HOOK3: variants seen among roughly 807,000 people sequenced by gnomAD.
The protein encoded by HOOK3 is protein Hook homolog 3.
HOOK3 carries 24 observed loss-of-function variants against 116.3 expected under a neutral mutation model. The ratio of observed to expected loss-of-function variants is 0.21; its 90% confidence interval spans 0.15 to 0.29. The LOEUF is 0.29. HOOK3 is among the 10% of genes least tolerant of loss of function. The pLI, the probability that HOOK3 is intolerant of heterozygous loss-of-function variation, is 1.00. For missense variants in HOOK3, 632 were observed against 830.2 expected (o/e 0.76, Z 2.93); for synonymous variants, 275 against 283.0 (o/e 0.97, Z 0.28).
intron 2 of HOOK3, among the ~76,000 whole-genome samples, chr8:42,907,190 C>T (rs563966100): frequency 3.3e-5 from 5 of 152,276 alleles, no homozygotes; most frequent in African/African-American, 1.2e-4. Context: ...AAAAGATTTA[C>T]ATGTCACTAG....
At chr8:42,948,319 T>C (rs1379733174) in intron 5 of HOOK3, among the ~76,000 whole-genome samples, 1 of 152,234 alleles carries the variant, frequency 6.6e-6, no homozygotes, top group African/African-American at 2.4e-5. Context: ...TTCTCCAGCA[T>C]TGCCTCATAG....
intron 17 of HOOK3, among the ~76,000 whole-genome samples, chr8:43,006,787 A>G (rs1481344460): frequency 6.6e-6 from 1 of 152,186 alleles, no homozygotes; most frequent in Non-Finnish European, 1.5e-5. Flanking sequence ...TCATGCATAG[A>G]AAAGATCAGA....
At chr8:42,969,540 G>A (rs950237512) in intron 11 of HOOK3, among the ~76,000 whole-genome samples, 2 of 152,174 alleles carry the variant, frequency 1.3e-5, no homozygotes, top group Admixed American at 1.3e-4. Flanking sequence ...TTGAAGAATC[G>A]CTTGAGCCTG....
chr8:43,005,201 A>C lies in HOOK3; in HGVS notation c.1656-2646A>C, dbSNP rs113764535. Reference sequence around the variant, plus strand: ...AAGTGCTCTCTCTCTCTCTCTCTCTATATATATATATAATTTTTTTTTTTT... The same window carrying C: ...AAGTGCTCTCTCTCTCTCTCTCTCTCTATATATATATAATTTTTTTTTTTT... On this transcript the variant is annotated intron_variant, in intron 17 of 21. Coordinates refer to ENST00000307602, the MANE Select transcript of HOOK3 (RefSeq NM_032410.4). 7.6e-3 allele frequency among the ~76,000 whole-genome samples: 488 copies of C among 64,250 alleles called. 1 individual carries two copies. Among genetic ancestry groups the C allele is most frequent in the South Asian group, 0.018 (37 of 2,006 alleles). The allele number at this position is 64,250 out of a possible 152,430, so 42.2% of individuals were successfully genotyped here.
At chr8:42,904,643 G>A (rs1678425794) in intron 1 of HOOK3, among the ~76,000 whole-genome samples, 1 of 152,052 alleles carries the variant, frequency 6.6e-6, no homozygotes, top group Admixed American at 6.6e-5. Flanking sequence ...AAACCTCATG[G>A]CTCACTCCCC....
At chr8:42,924,683 G>A (rs1807728367) in intron 2 of HOOK3, among the ~76,000 whole-genome samples, 5 of 152,120 alleles carry the variant, frequency 3.3e-5, no homozygotes, top group Admixed American at 3.3e-4. Context: ...TTTAAAGACT[G>A]TGTCACTGGC....
At chr8:42,944,687 T>G (rs1808191807) in intron 5 of HOOK3, among the ~76,000 whole-genome samples, 1 of 150,548 alleles carries the variant, frequency 6.6e-6, no homozygotes, top group Admixed American at 6.6e-5. Context: ...GGCGCGGTGG[T>G]GGGCGCCTGT....
chr8:42,943,725 A>C (rs1049189108), intron 5 of HOOK3, among the ~76,000 whole-genome samples: 16 of 152,212 alleles, frequency 1.1e-4, no homozygotes, highest in Non-Finnish European at 7.3e-5. Context: ...TTTGCTGTTA[A>C]TTTGACAACA....
intron 4 of HOOK3, among the ~76,000 whole-genome samples, chr8:42,935,162 A>G (rs1035802759): frequency 1.3e-5 from 2 of 151,774 alleles, no homozygotes; most frequent in Non-Finnish European, 2.9e-5. Flanking sequence ...GCTTTTTTTC[A>G]TATGTTTATT....
chr8:42,932,975 T>C (rs990866989), intron 4 of HOOK3, among the ~76,000 whole-genome samples: 1 of 152,232 alleles, frequency 6.6e-6, no homozygotes, highest in African/African-American at 2.4e-5. Flanking sequence ...TTATGTGTTA[T>C]ACTTCATAAA....
At chr8:42,950,704 G>A (rs79555172) in intron 6 of HOOK3, among the ~76,000 whole-genome samples, 1 of 117,898 alleles carries the variant, frequency 8.5e-6, no homozygotes, top group East Asian at 2.4e-4. Context: ...TTTTTTTTTT[G>A]AGACGGAGTC....
chr8:42,950,840 C>CA (rs1176425771), intron 6 of HOOK3, among the ~76,000 whole-genome samples: 6 of 152,034 alleles, frequency 3.9e-5, no homozygotes, highest in Non-Finnish European at 7.4e-5. Context: ...TGTGTGCCAC[C>CA]ATGCCCAGCT....
In HOOK3 at chr8:42,949,064, G is replaced by A. The variant is rs558407713; in HGVS notation, c.401-1324G>A. Among the ~76,000 whole-genome samples the A allele has an allele frequency of 2.4e-4, 36 of 152,288 alleles. No individual in the cohort carries two copies. In the South Asian group the frequency reaches 7.0e-3, roughly 30 times the overall value. On this transcript the variant is annotated intron_variant, in intron 5 of 21. Coordinates refer to ENST00000307602, the MANE Select transcript of HOOK3 (RefSeq NM_032410.4). ...ATCCTGTGTTGGGTAGAGGATTACAGTTGTCATTTCAAATACATGAATCTC... is the reference window on the plus strand; with the variant it reads ...ATCCTGTGTTGGGTAGAGGATTACAATTGTCATTTCAAATACATGAATCTC...
chr8:42,908,801 C>CA (rs1807364984), intron 2 of HOOK3, among the ~76,000 whole-genome samples: 1 of 152,098 alleles, frequency 6.6e-6, no homozygotes, highest in Non-Finnish European at 1.5e-5. Context: ...AAAGCAAAAA[C>CA]AGACAAATGG....
rs889144959 is a variant in HOOK3 at position 42,986,561 on chromosome 8, G to A, written c.1392-94G>A. 3 of 887,408 alleles carry A rather than the reference G, an allele frequency of 3.4e-6. No homozygotes were observed. The African/African-American group carries it at 5.2e-5, about 16-fold the overall frequency. 55.0% of individuals were successfully genotyped at this position (887,408 alleles called of 1,614,324 possible). A position where few individuals can be genotyped will look rare whatever the true frequency, so the allele number is the denominator to read the frequency against. ...TCATTTCTGTTCTGGTATTAAATTT[G>A]TAAGAGTGCTTAGCTGGATTTGATA... On this transcript the variant is annotated intron_variant, in intron 14 of 21. Transcript: ENST00000307602.
intron 13 of HOOK3, among the ~76,000 whole-genome samples, chr8:42,981,171 C>T (rs1490749554): frequency 1.3e-5 from 2 of 151,818 alleles, no homozygotes; most frequent in Admixed American, 6.5e-5. Context: ...CCCACCTCAG[C>T]CTCCCAAGTA....
At chr8:43,001,506 G>A (rs191124737) in intron 16 of HOOK3, among the ~76,000 whole-genome samples, 1 of 149,890 alleles carries the variant, frequency 6.7e-6, no homozygotes, top group East Asian at 2.0e-4. Flanking sequence ...TGTCTTTATT[G>A]TTTATTTTTA....
In HOOK3 at chr8:43,019,213, G is replaced by C. The variant is rs1053832622; in HGVS notation, c.*715G>C. ...TGTTTGCTGGCAGAAGTGAATGTTT[G>C]GTGAGGTTATTTTGGGATAAATTAC... On this transcript the variant is annotated 3_prime_UTR_variant, in exon 22 of 22. Coordinates refer to ENST00000307602, the MANE Select transcript of HOOK3 (RefSeq NM_032410.4). The C allele has an allele frequency of 9.4e-5, 20 of 212,562 alleles. No individual in the cohort carries two copies. The highest frequency in any genetic ancestry group is 1.6e-4 in the Non-Finnish European group (17 of 105,226). The allele number at this position is 212,562 out of a possible 1,614,324, so 13.2% of individuals were successfully genotyped here. A position where few individuals can be genotyped will look rare whatever the true frequency, so the allele number is the denominator to read the frequency against.
intron 8 of HOOK3, 84 bp from the exon 9 acceptor site, chr8:42,964,227 A>T: frequency 7.3e-7 from 1 of 1,374,046 alleles, no homozygotes; most frequent in Non-Finnish European, 1.0e-6. Context: ...TATAGGCTTT[A>T]ATTTGTAATG....
Sources: allele counts gnomAD v4.1 joint callset (sites outside exome capture counted in the v4.1 genomes callset), GRCh38; gene constraint gnomAD v4.1.1; transcripts MANE v1.5; gene names NCBI Gene and HGNC (gene_info 2026-07-23, HGNC 2026-07-21).